The following CLCN2 variants were observed in gnomAD, a reference collection of about 807,000 sequenced individuals.
The protein encoded by CLCN2 is chloride voltage-gated channel 2.
Under a neutral mutation model 108.3 loss-of-function variants are expected in CLCN2, and 72 were observed. The ratio of observed to expected loss-of-function variants is 0.66; its 90% CI spans 0.55 to 0.81. CLCN2 has a LOEUF of 0.81. CLCN2 is among the 30% of genes least tolerant of loss of function. The pLI is 0.00. For missense variants in CLCN2, 1,048 were observed against 1,205.2 expected, an observed-to-expected ratio of 0.87 and a Z score of 1.93; for synonymous variants, 471 against 467.1, an observed-to-expected ratio of 1.01 and a Z score of -0.11.
At chr3:184,352,355 G>A (rs373282879) in intron 20 of CLCN2, 24 bp from the exon 21 acceptor site, 229 of 1,613,628 alleles carry the variant, frequency 1.4e-4, no homozygotes, top group Non-Finnish European at 1.8e-4. Context: ...AGGGAGGCTG[G>A]CAGCTAGGGG....
In CLCN2 at chr3:184,346,317, T is replaced by C. The variant is rs184669660; in HGVS notation, c.*289A>G. On this transcript the variant is annotated 3_prime_UTR_variant, in exon 24 of 24. Transcript: ENST00000265593. This position sits in a 1 kb window ranked among gnomAD's most constrained non-coding sequence, Gnocchi z 6.0. ...GGAGGTTCCAGTTATAAACCCATCT[T>C]AGTTCCACCCCTTTCCCCTCAAAGG... The C allele has an allele frequency of 2.9e-3, 1,511 of 519,988 alleles. 9 individuals carry two copies. The highest frequency in any genetic ancestry group is 8.6e-3 in the Middle Eastern group (16 of 1,862). The allele number at this position is 519,988 out of a possible 1,614,324, so 32.2% of individuals were successfully genotyped here.
In CLCN2 at chr3:184,357,768, G is replaced by A. The variant is rs773362679; in HGVS notation, c.693+11C>T. ...GCCTCTGCCCCCTACTTGCCCCAGG[G>A]TTCCCCTTACCTCATAGATACCCCC... is the stretch of plus-strand genomic sequence containing the variant. On this transcript the variant is annotated intron_variant, in intron 6 of 23. Coordinates refer to ENST00000265593, the MANE Select transcript of CLCN2 (RefSeq NM_004366.6). 3 of 1,613,926 alleles carry A rather than the reference G, an allele frequency of 1.9e-6. No homozygotes were observed. The highest frequency in any genetic ancestry group is 2.2e-5 in the East Asian group (1 of 44,870).
At chr3:184,348,052 C>A (rs1367251179) in intron 22 of CLCN2, 4 of 152,214 alleles carry the variant, frequency 2.6e-5, no homozygotes, top group African/African-American at 9.6e-5. Context: ...ATAACAGCTT[C>A]TTGTGTACCA....
intron 1 of CLCN2, among the ~76,000 whole-genome samples, chr3:184,360,505 C>T (rs760200050): frequency 3.9e-5 from 6 of 152,100 alleles, no homozygotes; most frequent in Non-Finnish European, 5.9e-5. Flanking sequence ...CATCCTGATT[C>T]ATCCAGCTAC....
chr3:184,350,970 T>G (rs1728047653), intron 22 of CLCN2, among the ~76,000 whole-genome samples: 1 of 152,216 alleles, frequency 6.6e-6, no homozygotes, highest in African/African-American at 2.4e-5. Context: ...TCAGAGGTTT[T>G]GGGAAGAAGG....
intron 14 of CLCN2, 28 bp downstream of exon 14, chr3:184,354,520 C>T (rs1728382895): frequency 6.9e-6 from 11 of 1,588,364 alleles, no homozygotes; most frequent in Non-Finnish European, 9.5e-6. Flanking sequence ...GGGGGTCTCC[C>T]AAGGCCGATG....
chr3:184,357,332 G>C (rs372969090), intron 8 of CLCN2, 30 bp downstream of exon 8: 2 of 1,613,986 alleles, frequency 1.2e-6, no homozygotes, highest in Non-Finnish European at 1.7e-6. Flanking sequence ...GCACCATCTC[G>C]GGCTGCCCTC....
intron 14 of CLCN2, 49 bp downstream of exon 14, chr3:184,354,499 G>GGC: frequency 6.7e-7 from 1 of 1,498,152 alleles, no homozygotes; most frequent in Non-Finnish European, 9.3e-7. Context: ...CTGTGGCTGG[G>GGC]GCGTGGGTGG....
rs577816520 is a variant in CLCN2, at chr3:184,361,554, C to G, written c.-75G>C. 1.8e-5 allele frequency: 27 copies of G among 1,541,312 alleles called. No individual in the cohort carries two copies. In the South Asian group the frequency reaches 2.9e-4, roughly 17 times the overall value. On this transcript the variant is annotated 5_prime_UTR_variant, in exon 1 of 24. Coordinates refer to ENST00000265593, the MANE Select transcript of CLCN2 (RefSeq NM_004366.6). This position sits in a 1 kb window ranked among gnomAD's most constrained non-coding sequence, Gnocchi z 6.6. ...GACTCGGCTCCCGGCCCGCAAAGTC[C>G]GCGCCGGCAGCCGTCCCGTCCCCGC...
chr3:184,357,564 G>A, intron 7 of CLCN2, 56 bp downstream of exon 7: 15 of 1,613,934 alleles, frequency 9.3e-6, no homozygotes, highest in Non-Finnish European at 1.3e-5. Context: ...AGGGGCCAAG[G>A]AGGAGAGGCC....
chr3:184,356,911 T>G, intron 10 of CLCN2, 82 bp downstream of exon 10: 1 of 974,144 alleles, frequency 1.0e-6, no homozygotes, highest in Non-Finnish European at 1.7e-6. Context: ...ACTGGGCCAT[T>G]CTCTCCCCAT....
Position 184,358,317 on chromosome 3 carries a change from G to A in CLCN2, c.353-7C>T. The A allele has an allele frequency of 1.2e-6, 2 of 1,613,670 alleles. No individual in the cohort carries two copies. Among genetic ancestry groups the A allele is most frequent in the East Asian group, 2.2e-5 (1 of 44,886 alleles). ...CGGGACATCCACTGCTGGGCTGTGGGAAGAGGACCTGCTGGACCCCCAGTG... is the reference window on the plus strand; with the variant it reads ...CGGGACATCCACTGCTGGGCTGTGGAAAGAGGACCTGCTGGACCCCCAGTG... On this transcript the variant is annotated splice_region_variant and splice_polypyrimidine_tract_variant and intron_variant, in intron 3 of 23. Transcript: ENST00000265593.
Position 184,361,508 on chromosome 3 carries a change from G to C in CLCN2, c.-29C>G, listed in dbSNP as rs764936155. ...CGCGCACTGCCCTCTCGCCTCCCTC[G>C]GCGGTTCCGGCTCTGTCCTGGACTC... On this transcript the variant is annotated 5_prime_UTR_variant, in exon 1 of 24. Coordinates refer to ENST00000265593, the MANE Select transcript of CLCN2 (RefSeq NM_004366.6). This position sits in a 1 kb window ranked among gnomAD's most constrained non-coding sequence, Gnocchi z 6.6. 1 of 1,606,290 alleles carries C rather than the reference G, an allele frequency of 6.2e-7. No homozygotes were observed. The highest frequency in any genetic ancestry group is 8.5e-7 in the Non-Finnish European group (1 of 1,179,408).
chr3:184,359,193 G>C (rs1055955389), intron 1 of CLCN2, 62 bp from the exon 2 acceptor site: 3 of 1,586,316 alleles, frequency 1.9e-6, no homozygotes, highest in African/African-American at 2.7e-5. Flanking sequence ...CGCAGGGAGA[G>C]TTCTTAGAGC....
chr3:184,355,456 A>G lies in CLCN2; in HGVS notation c.1244T>C (p.Leu415Pro). The part of the protein sequence containing the change: ...TWVRQGLVEE[L>P]EPPSTSQAWN... Reference sequence around the variant, plus strand: ...GGCCTGTGAGGTGCTGGGTGGTTCTAGCTCCTCCACCAGGCCCTGGCGGAC... The same window carrying G: ...GGCCTGTGAGGTGCTGGGTGGTTCTGGCTCCTCCACCAGGCCCTGGCGGAC... Residue 415 changes from leucine to proline, a missense_variant, in exon 12 of 24, where the codon CTA (leucine) becomes CCA (proline). Coordinates refer to ENST00000265593, the MANE Select transcript of CLCN2 (RefSeq NM_004366.6). This position sits in a 1 kb window ranked among gnomAD's most constrained non-coding sequence, Gnocchi z 6.3. The G allele has an allele frequency of 1.2e-6, 2 of 1,614,032 alleles. No individual in the cohort carries two copies. The highest frequency in any genetic ancestry group is 1.3e-5 in the African/African-American group (1 of 75,010).
chr3:184,353,270 C>G lies in CLCN2; in HGVS notation c.2008G>C (p.Glu670Gln), dbSNP rs1728264807. 2.5e-6 allele frequency: 4 copies of G among 1,613,944 alleles called. No individual in the cohort carries two copies. The Admixed American group carries it at 6.7e-5, about 27-fold the overall frequency. ...LSDQEGPPTP[E>Q]ASVCFQVNTE... ...CTCACCTGGAAGCAGACAGAAGCCT[C>G]AGGGGTAGGGGGACCCTCCTGATCA... is the stretch of plus-strand genomic sequence containing the variant. Residue 670 changes from glutamate (E) to glutamine (Q), a missense_variant, in exon 17 of 24, where the codon GAG becomes CAG. Transcript: ENST00000265593.
chr3:184,355,725 G>A lies in CLCN2; in HGVS notation c.1139C>T (p.Pro380Leu), dbSNP rs778766766. The A allele has an allele frequency of 1.9e-6, 3 of 1,614,092 alleles. No homozygotes were observed. The highest frequency in any genetic ancestry group is 3.3e-5 in the Admixed American group (2 of 60,012). ...VTLLISTLTF[P>L]PGFGQFMAGQ... ...AGCCATGAACTGTCCAAAGCCAGGG[G>A]GGAAGGTCAGCGTGGAGATGAGCAG... The change falls in exon 11 of 24, where the codon CCC becomes CTC. Residue 380 changes from proline (P) to leucine (L), a missense_variant. By Grantham distance (98) the Pro-to-Leu change is moderately conservative. Coordinates refer to ENST00000265593, the MANE Select transcript of CLCN2 (RefSeq NM_004366.6). This position sits in a 1 kb window ranked among gnomAD's most constrained non-coding sequence, Gnocchi z 6.3.
chr3:184,357,349 TG>T lies in CLCN2; in HGVS notation c.898+12del. Reference sequence around the variant, plus strand: ...ACCATCTCGGGCTGCCCTCATCCCCTGGGTGCCCCCACCTTCATCCCGGTTC... The same window carrying T: ...ACCATCTCGGGCTGCCCTCATCCCCTGGTGCCCCCACCTTCATCCCGGTTC... On this transcript the variant is annotated intron_variant, in intron 8 of 23. Coordinates refer to ENST00000265593, the MANE Select transcript of CLCN2 (RefSeq NM_004366.6). 1 of 1,614,014 alleles carries T rather than the reference TG, an allele frequency of 6.2e-7. No individual in the cohort carries two copies. The highest frequency in any genetic ancestry group is 1.1e-5 in the South Asian group (1 of 91,090).
chr3:184,354,021 T>A, intron 15 of CLCN2, 80 bp downstream of exon 15: 1 of 1,483,852 alleles, frequency 6.7e-7, no homozygotes, highest in Non-Finnish European at 9.3e-7. Flanking sequence ...CTCCAGGACC[T>A]TGCTAGAGGT....
Sources: allele counts gnomAD v4.1 joint callset (sites outside exome capture counted in the v4.1 genomes callset), GRCh38; gene constraint gnomAD v4.1.1; non-coding constraint Gnocchi (gnomAD v3.1); transcripts MANE v1.5; gene names NCBI Gene and HGNC (gene_info 2026-07-23, HGNC 2026-07-21).